Variants in CNTNAP2 observed in about 807,000 individuals in gnomAD.
CNTNAP2 encodes the protein contactin associated protein 2.
CNTNAP2 carries 98 observed loss-of-function variants against 155.2 expected under a neutral mutation model. The observed-to-expected ratio is 0.63, with a 90% CI of 0.54 to 0.75. The LOEUF (loss-of-function observed/expected upper bound fraction) is 0.75. CNTNAP2 is among the 30% of genes least tolerant of loss of function. The pLI is 0.00. For missense variants in CNTNAP2, 1,727 were observed against 1,688.1 expected (o/e 1.02, Z -0.40); for synonymous variants, 651 against 631.2 (o/e 1.03, Z -0.47).
At chr7:147,166,475 C>T (rs1802115624) in intron 8 of CNTNAP2, among the ~76,000 whole-genome samples, 1 of 152,098 alleles carries the variant, frequency 6.6e-6, no homozygotes, top group Non-Finnish European at 1.5e-5. Flanking sequence ...ACCAAAATCT[C>T]ACAAATCACC....
intron 1 of CNTNAP2, among the ~76,000 whole-genome samples, chr7:146,219,329 C>T (rs1206026270): frequency 6.6e-6 from 1 of 152,122 alleles, no homozygotes; most frequent in Non-Finnish European, 1.5e-5. Context: ...AATGATTCCC[C>T]TCCAGAATAT....
intron 12 of CNTNAP2, among the ~76,000 whole-genome samples, chr7:147,566,095 A>G (rs1214246719): frequency 6.7e-6 from 1 of 148,518 alleles, no homozygotes; most frequent in African/African-American, 2.5e-5. Flanking sequence ...AGCCTTGGCA[A>G]CATGGTGAGA....
intron 13 of CNTNAP2, among the ~76,000 whole-genome samples, chr7:147,696,285 T>C (rs1279714050): frequency 1.3e-5 from 2 of 152,214 alleles, no homozygotes; most frequent in Admixed American, 6.5e-5. Flanking sequence ...TTGCTGCTTT[T>C]TGTGGTTCTG....
intron 3 of CNTNAP2, among the ~76,000 whole-genome samples, chr7:146,922,593 G>A (rs1479013725): frequency 6.6e-6 from 1 of 152,204 alleles, no homozygotes; most frequent in East Asian, 1.9e-4. Flanking sequence ...AAGAGAGGCA[G>A]TATGGAATTG....
chr7:146,725,782 C>G (rs1801421273), intron 1 of CNTNAP2, among the ~76,000 whole-genome samples: 1 of 152,104 alleles, frequency 6.6e-6, no homozygotes, highest in Non-Finnish European at 1.5e-5. Flanking sequence ...ATCTTCCATT[C>G]CCCTGGGATT....
intron 1 of CNTNAP2, among the ~76,000 whole-genome samples, chr7:146,180,991 A>G (rs948575179): frequency 6.6e-6 from 1 of 152,100 alleles, no homozygotes; most frequent in Non-Finnish European, 1.5e-5. Context: ...TCTGCCTACT[A>G]TCTTCTTTCT....
chr7:146,189,310 T>C (rs938240772), intron 1 of CNTNAP2, among the ~76,000 whole-genome samples: 8 of 152,210 alleles, frequency 5.3e-5, no homozygotes, highest in African/African-American at 1.9e-4. Context: ...GCTCAATTAA[T>C]ATTATCCTTG....
intron 10 of CNTNAP2, among the ~76,000 whole-genome samples, chr7:147,420,340 C>G (rs1797269245): frequency 6.6e-6 from 1 of 152,100 alleles, no homozygotes; most frequent in Non-Finnish European, 1.5e-5. Flanking sequence ...AAAAGTACAT[C>G]TTGAGTACCA....
At chr7:147,950,878 C>G (rs904309796) in intron 14 of CNTNAP2, among the ~76,000 whole-genome samples, 1 of 152,052 alleles carries the variant, frequency 6.6e-6, no homozygotes, top group African/African-American at 2.4e-5. Flanking sequence ...AAATCCGTAC[C>G]AAAAAACTTT....
chr7:147,361,864 T>C (rs1479627715), intron 9 of CNTNAP2, among the ~76,000 whole-genome samples: 3 of 152,128 alleles, frequency 2.0e-5, no homozygotes, highest in Non-Finnish European at 1.5e-5. Flanking sequence ...AGACCCAGAA[T>C]ATTGAGGATG....
intron 20 of CNTNAP2, among the ~76,000 whole-genome samples, chr7:148,232,181 G>A (rs182073021): frequency 1.3e-5 from 2 of 152,324 alleles, no homozygotes; most frequent in Admixed American, 6.5e-5. Context: ...CAAAAAGAAA[G>A]TAAAGATAGA....
At chr7:146,345,973 A>T (rs1471949642) in intron 1 of CNTNAP2, among the ~76,000 whole-genome samples, 1 of 152,186 alleles carries the variant, frequency 6.6e-6, no homozygotes, top group East Asian at 1.9e-4. Context: ...TTGAGTGCTT[A>T]TTAAGACCTC....
chr7:146,826,308 A>G (rs562544464), intron 2 of CNTNAP2, among the ~76,000 whole-genome samples: 3 of 152,276 alleles, frequency 2.0e-5, no homozygotes, highest in East Asian at 1.9e-4. Context: ...TTGAGAATCT[A>G]TTTTTAAATT....
intron 8 of CNTNAP2, among the ~76,000 whole-genome samples, chr7:147,166,204 C>T (rs1802110170): frequency 6.6e-6 from 1 of 152,098 alleles, no homozygotes; most frequent in Non-Finnish European, 1.5e-5. Flanking sequence ...GGAATATACA[C>T]TCAACCATGA....
chr7:148,238,882 G>A (rs1467521231), intron 20 of CNTNAP2, among the ~76,000 whole-genome samples: 1 of 152,086 alleles, frequency 6.6e-6, no homozygotes, highest in Non-Finnish European at 1.5e-5. Flanking sequence ...TGCCAATAAA[G>A]AACAATACTA....
chr7:146,173,716 C>T (rs559335199), intron 1 of CNTNAP2, among the ~76,000 whole-genome samples: 5 of 152,182 alleles, frequency 3.3e-5, no homozygotes, highest in East Asian at 1.9e-4. Context: ...AAAAATTGCT[C>T]AGTACTGTAT....
chr7:146,416,334 A>G (rs1795938337), intron 1 of CNTNAP2, among the ~76,000 whole-genome samples: 1 of 151,764 alleles, frequency 6.6e-6, no homozygotes, highest in Non-Finnish European at 1.5e-5. Context: ...TTAAGGACGT[A>G]CATCCACATT....
intron 16 of CNTNAP2, among the ~76,000 whole-genome samples, chr7:148,137,363 T>A (rs1804976649): frequency 6.6e-6 from 1 of 152,196 alleles, no homozygotes; most frequent in Admixed American, 6.5e-5. Context: ...AAGCTTGCTA[T>A]ATAGAAAATG....
intron 15 of CNTNAP2, among the ~76,000 whole-genome samples, chr7:148,032,740 G>A (rs1802501288): frequency 6.6e-6 from 1 of 152,138 alleles, no homozygotes; most frequent in African/African-American, 2.4e-5. Context: ...CCAATGAGGA[G>A]CCATTCACCT....
Sources: allele counts gnomAD v4.1 joint callset (sites outside exome capture counted in the v4.1 genomes callset), GRCh38; gene constraint gnomAD v4.1.1; transcripts MANE v1.5; gene names NCBI Gene and HGNC (gene_info 2026-07-23, HGNC 2026-07-21).